Variants in EVC observed in about 807,000 individuals in gnomAD.
EVC encodes the protein EvC ciliary complex subunit 1.
EVC carries 116 observed loss-of-function variants against 118.9 expected under a neutral mutation model. That is an observed-to-expected ratio of 0.98 (90% CI 0.84 to 1.14). The LOEUF (loss-of-function observed/expected upper bound fraction) is 1.14, where lower values mean the gene tolerates loss of function less well. Ranked by LOEUF, EVC falls within the 50% of genes most tolerant of loss-of-function variation. The pLI is 0.00. For missense variants in EVC, 1,401 were observed against 1,246.4 expected, an observed-to-expected ratio of 1.12 and a Z score of -1.87; for synonymous variants, 619 against 534.7, an observed-to-expected ratio of 1.16 and a Z score of -2.18.
chr4:5,731,645 TG>T lies in EVC; in HGVS notation c.607del (p.Ala203ProfsTer5), dbSNP rs1262641405. The stretch of plus-strand genomic sequence containing the variant: ...CGGGTGAACGCCTTCCCTGAAGTGC[TG>T]GCCTGCGAGAGGTAAGGAGAGCGGG... Reference protein sequence around the residue: ...FLRVNAFPEVLACESVDVDLC... With the variant: ...FLRVNAFPEVXACESVDVDLC... On this transcript the variant is annotated frameshift_variant, in exon 4 of 21. Transcript: ENST00000264956. LOFTEE classifies it high-confidence loss of function. This position sits in a 1 kb window ranked among gnomAD's most constrained non-coding sequence, Gnocchi z 5.6. The T allele has an allele frequency of 6.2e-7, 1 of 1,614,048 alleles. No individual in the cohort carries two copies. The highest frequency in any genetic ancestry group is 8.5e-7 in the Non-Finnish European group (1 of 1,179,978).
At chr4:5,816,865 G>A (rs533984609), downstream of EVC, among the ~76,000 whole-genome samples, 6 of 152,228 alleles carry the variant, frequency 3.9e-5, 1 homozygote, top group South Asian at 4.2e-4. Context: ...CTCAGAGGAC[G>A]TGGACCAAGG....
intron 2 of EVC, among the ~76,000 whole-genome samples, chr4:5,720,505 A>G (rs1724767819): frequency 6.6e-6 from 1 of 151,458 alleles, no homozygotes; most frequent in African/African-American, 2.5e-5. Context: ...AACCTGTTCC[A>G]TCCTGTTCCG....
rs1728891688 is a variant in EVC, at chr4:5,743,347, C to T, written c.801+1533C>T. ...CCTCACCATCATTGTCATCATTATTCTCGTTACTACTATCACCAGCCTCTT... is the reference window on the plus strand; with the variant it reads ...CCTCACCATCATTGTCATCATTATTTTCGTTACTACTATCACCAGCCTCTT... On this transcript the variant is annotated intron_variant, in intron 6 of 20. Transcript: ENST00000264956. This position sits in a 1 kb window ranked among gnomAD's most constrained non-coding sequence, Gnocchi z 4.7. Among the ~76,000 whole-genome samples, 1 of 152,172 alleles carries T rather than the reference C, an allele frequency of 6.6e-6. No individual in the cohort carries two copies. The highest frequency in any genetic ancestry group is 2.1e-4 in the South Asian group (1 of 4,828).
chr4:5,717,493 T>TA (rs1163321707), intron 1 of EVC, among the ~76,000 whole-genome samples: 1 of 152,200 alleles, frequency 6.6e-6, no homozygotes, highest in Non-Finnish European at 1.5e-5. Context: ...GATATATATA[T>TA]TTTTTCCTCA....
At chr4:5,768,740 C>T (rs1432971595) in intron 11 of EVC, among the ~76,000 whole-genome samples, 1 of 151,396 alleles carries the variant, frequency 6.6e-6, no homozygotes, top group Non-Finnish European at 1.5e-5. Flanking sequence ...GCCTGTTATC[C>T]CAGCTACTCG....
At chr4:5,802,984 C>T (rs553442206) in intron 16 of EVC, among the ~76,000 whole-genome samples, 1 of 152,206 alleles carries the variant, frequency 6.6e-6, no homozygotes, top group Non-Finnish European at 1.5e-5. Context: ...GAGACAGACA[C>T]CTACTTAGTT....
chr4:5,793,625 T>C lies in EVC; in HGVS notation c.1794T>C (p.Cys598=), dbSNP rs1162334289. ...EQDQQVWMEE[C]ALSSVLQTHL... is the part of the protein sequence containing the mutation. ...GAGTTCAGGTGTGGATGGAGGAGTG[T>C]GCGCTGTCCAGCGTGCTGCAGACAC... The change falls in exon 13 of 21, where the codon TGT becomes TGC. Residue 598 remains cysteine (C), a synonymous_variant. Transcript: ENST00000264956. 16 of 1,551,612 alleles carry C rather than the reference T, an allele frequency of 1.0e-5. No individual in the cohort carries two copies. Among genetic ancestry groups the C allele is most frequent in the Non-Finnish European group, 1.3e-5 (15 of 1,147,196 alleles).
Position 5,793,714 on chromosome 4 carries a change from A to G in EVC, c.1883A>G (p.Glu628Gly). 1 of 1,548,628 alleles carries G rather than the reference A, an allele frequency of 6.5e-7. No homozygotes were observed. The highest frequency in any genetic ancestry group is 8.7e-7 in the Non-Finnish European group (1 of 1,145,762). ...TTGGGCCGACTGGGCGGCCTCACTG[A>G]AGAGTGAGTACAGCTCCCTGAAGGC... ...GVLGRLGGLTEESTRCVLQGH... is the reference protein window; with the variant it reads ...GVLGRLGGLTGESTRCVLQGH... The change falls in exon 13 of 21, where the codon GAA becomes GGA. Residue 628 changes from glutamate (E) to glycine (G), a missense_variant. Glu to Gly is a moderately conservative substitution (Grantham distance 98). Transcript: ENST00000264956.
intron 11 of EVC, among the ~76,000 whole-genome samples, chr4:5,760,319 T>C (rs1731814088): frequency 6.6e-6 from 1 of 152,024 alleles, no homozygotes; most frequent in Non-Finnish European, 1.5e-5. Flanking sequence ...AAGTTATGCA[T>C]TTGGTTTTTC....
chr4:5,794,493 C>T (rs1279046457), intron 13 of EVC, among the ~76,000 whole-genome samples: 2 of 150,876 alleles, frequency 1.3e-5, no homozygotes, highest in East Asian at 3.9e-4. Flanking sequence ...TGCAACTTCC[C>T]TCTGCCTCCC....
chr4:5,827,972 TAAGG>T, the EVC span: 4 of 924,570 alleles, frequency 4.3e-6, no homozygotes, highest in South Asian at 1.5e-4. Context: ...TCAAGGAAAA[TAAGG>T]AACGACAGGG....
In EVC at chr4:5,811,072, C is replaced by T. The variant is rs773337620; in HGVS notation, c.*35C>T. 1.9e-6 allele frequency: 3 copies of T among 1,555,208 alleles called. No homozygotes were observed. The African/African-American group carries it at 4.1e-5, about 21-fold the overall frequency. On this transcript the variant is annotated 3_prime_UTR_variant, in exon 21 of 21. Transcript: ENST00000264956. ...AGTCGGTGGGACAAGACCTGAAGCC[C>T]TGGGTCTGGGTGTGAATTCCACCTT...
intron 11 of EVC, among the ~76,000 whole-genome samples, chr4:5,766,336 A>G (rs979465111): frequency 1.0e-4 from 15 of 145,256 alleles, no homozygotes; most frequent in African/African-American, 3.6e-4. Context: ...TGCCCTTAAC[A>G]TTTTTTCCTT....
rs886059495 is a variant in EVC at position 5,719,321 on chromosome 4, C to T, written c.248C>T (p.Ser83Leu). The T allele has an allele frequency of 6.2e-7, 1 of 1,614,110 alleles. No homozygotes were observed. The highest frequency in any genetic ancestry group is 1.1e-5 in the South Asian group (1 of 91,078). Reference sequence around the variant, plus strand: ...ACCCCCTCGGAAACTGGCTCCCCATCAAGGAGGAGGAAGAGAGAAGTGCAG... The same window carrying T: ...ACCCCCTCGGAAACTGGCTCCCCATTAAGGAGGAGGAAGAGAGAAGTGCAG... ...AQTPSETGSP[S>L]RRRKREVQMS... The change falls in exon 2 of 21, where the codon TCA becomes TTA. Residue 83 changes from serine (S) to leucine (L), a missense_variant. Ser to Leu is a moderately radical substitution (Grantham distance 145). Coordinates refer to ENST00000264956, the MANE Select transcript of EVC (RefSeq NM_153717.3). This position sits in a 1 kb window ranked among gnomAD's most constrained non-coding sequence, Gnocchi z 4.7.
chr4:5,824,518 CTCTT>C, the EVC span: 14 of 985,218 alleles, frequency 1.4e-5, no homozygotes, highest in Non-Finnish European at 1.7e-5. Context: ...CTTCCACTCT[CTCTT>C]TTGCTAAGCA....
intron 11 of EVC, among the ~76,000 whole-genome samples, chr4:5,764,188 A>ATATGCTGG (rs1732502006): frequency 7.1e-6 from 1 of 141,840 alleles, no homozygotes; most frequent in Non-Finnish European, 1.5e-5. Flanking sequence ...GGTTCTGTTT[A>ATATGCTGG]TATGCTGGAT....
chr4:5,796,968 T>C (rs1714072070), intron 13 of EVC, 54 bp from the exon 14 acceptor site: 1 of 1,369,696 alleles, frequency 7.3e-7, no homozygotes, highest in Non-Finnish European at 1.0e-6. Flanking sequence ...AGCTTGTCAC[T>C]GGCTTCGTGA....
chr4:5,715,931 A>G (rs1269962001), intron 1 of EVC, among the ~76,000 whole-genome samples: 1 of 151,934 alleles, frequency 6.6e-6, no homozygotes, highest in Non-Finnish European at 1.5e-5. Context: ...TTTAGTAGAG[A>G]TGGGGTTTCA....
chr4:5,819,071 G>A (rs1718099478), downstream of EVC, among the ~76,000 whole-genome samples: 1 of 152,180 alleles, frequency 6.6e-6, no homozygotes, highest in Non-Finnish European at 1.5e-5. Flanking sequence ...GCAATAAATG[G>A]TGTTGGGTCA....
Sources: gnomAD v4.1 joint callset for allele counts (sites outside exome capture counted in the v4.1 genomes callset) on GRCh38, gnomAD v4.1.1 for gene constraint, Gnocchi (gnomAD v3.1) non-coding constraint, MANE v1.5 for transcripts, NCBI Gene and HGNC (gene_info 2026-07-23, HGNC 2026-07-21) for gene names.